Variants in BCL2L12 observed in about 807,000 individuals in gnomAD.
BCL2L12 encodes BCL2 like 12.
Under a neutral mutation model 25.7 loss-of-function variants are expected in BCL2L12, and 27 were observed. The ratio of observed to expected loss-of-function variants is 1.05; its 90% CI spans 0.78 to 1.45. The LOEUF (loss-of-function observed/expected upper bound fraction) is 1.45. Ranked by LOEUF, BCL2L12 falls within the 40% of genes most tolerant of loss-of-function variation. BCL2L12 has a pLI of 0.00. For synonymous variants in BCL2L12, 132 were observed against 145.6 expected (o/e 0.91, Z 0.67); for missense variants, 302 against 329.8 (o/e 0.92, Z 0.65).
At chr19:49,669,527 C>T (rs1433297879) in intron 5 of BCL2L12, among the ~76,000 whole-genome samples, 1 of 146,704 alleles carries the variant, frequency 6.8e-6, no homozygotes, top group African/African-American at 2.5e-5. Context: ...CAGAGTGAGA[C>T]TCTGTCTTTA....
chr19:49,668,092 C>CTTTTTT (rs764611836), intron 3 of BCL2L12, among the ~76,000 whole-genome samples: 1 of 125,390 alleles, frequency 8.0e-6, no homozygotes, highest in Non-Finnish European at 1.7e-5. Flanking sequence ...CTCTGACATT[C>CTTTTTT]TTTTTTTTTT....
Position 49,670,268 on chromosome 19 carries a change from C to CT in BCL2L12, c.485dup (p.Ala163ArgfsTer9). ...AAGCTGGTCCGCCTGTCCTCCGACTCTTTCGCCCGCCTGGTGGAGCTGTTC... is the reference window on the plus strand; with the variant it reads ...AAGCTGGTCCGCCTGTCCTCCGACTCTTTTCGCCCGCCTGGTGGAGCTGTTC... On this transcript the variant is annotated frameshift_variant, in exon 6 of 7. Coordinates refer to ENST00000246784, the MANE Select transcript of BCL2L12 (RefSeq NM_138639.2). LOFTEE classifies it high-confidence loss of function. 1 of 1,610,734 alleles carries CT rather than the reference C, an allele frequency of 6.2e-7. No homozygotes were observed. Among genetic ancestry groups the CT allele is most frequent in the Non-Finnish European group, 8.5e-7 (1 of 1,179,610 alleles).
intron 3 of BCL2L12, among the ~76,000 whole-genome samples, 172 bp downstream of exon 3, chr19:49,667,333 G>T (rs1191197758): frequency 6.6e-6 from 1 of 152,144 alleles, no homozygotes; most frequent in Non-Finnish European, 1.5e-5. Flanking sequence ...CTGTGGGTTG[G>T]CTTTCAGAGA....
chr19:49,673,655 A>T (rs777386604), intron 6 of BCL2L12, 43 bp from the exon 7 acceptor site: 16 of 1,521,376 alleles, frequency 1.1e-5, no homozygotes, highest in Middle Eastern at 1.7e-4. Context: ...TATGGGGGGA[A>T]CACCTGCCCT....
At chr19:49,668,398 C>T (rs756090812) in intron 3 of BCL2L12, among the ~76,000 whole-genome samples, 6 of 151,986 alleles carry the variant, frequency 3.9e-5, no homozygotes, top group Non-Finnish European at 8.8e-5. Context: ...TGCGCCTGGC[C>T]CCAGCTCTGA....
In BCL2L12 at chr19:49,666,700, G is replaced by A. The variant is rs765354373; in HGVS notation, c.8G>A (p.Gly3Asp). MA[G>D]SEELGLREDT... ...TCTCTCACAGGTGCCTCCATGGCAG[G>A]CTCTGAAGAGCTGGGGCTCCGGGAA... Residue 3 changes from glycine to aspartate, a missense_variant, in exon 2 of 7, where the codon GGC (glycine) becomes GAC (aspartate). Transcript: ENST00000246784. The A allele has an allele frequency of 6.4e-7, 1 of 1,552,890 alleles. No homozygotes were observed. Among genetic ancestry groups the A allele is most frequent in the East Asian group, 2.4e-5 (1 of 41,098 alleles).
chr19:49,666,538 A>G lies in BCL2L12; in HGVS notation c.-8-147A>G, dbSNP rs140281418. Reference sequence around the variant, plus strand: ...GATCGCTTTTTCGTCTGAGGACTCAAGAGTCTAGGCCCCCAGACCCACACT... The same window carrying G: ...GATCGCTTTTTCGTCTGAGGACTCAGGAGTCTAGGCCCCCAGACCCACACT... On this transcript the variant is annotated intron_variant, in intron 1 of 6. Transcript: ENST00000246784. 1.3e-4 allele frequency: 73 copies of G among 569,744 alleles called. No individual in the cohort carries two copies. The East Asian group carries it at 2.2e-3, about 17-fold the overall frequency. 35.3% of individuals were successfully genotyped at this position (569,744 alleles called of 1,614,324 possible).
intron 1 of BCL2L12, 115 bp downstream of exon 1, chr19:49,666,182 A>G: frequency 7.4e-7 from 1 of 1,345,284 alleles, no homozygotes. Context: ...GGTCCTCTAG[A>G]TTCCAGCAGG....
intron 1 of BCL2L12, among the ~76,000 whole-genome samples, 162 bp downstream of exon 1, chr19:49,666,229 C>T (rs2081750417): frequency 6.6e-6 from 1 of 152,208 alleles, no homozygotes; most frequent in Non-Finnish European, 1.5e-5. Context: ...CAGCAGGCTG[C>T]GCGGCGAAGA....
Position 49,670,230 on chromosome 19 carries a change from C to G in BCL2L12, c.444C>G (p.Pro148=), listed in dbSNP as rs1555765451. The G allele has an allele frequency of 6.2e-7, 1 of 1,606,882 alleles. No homozygotes were observed. The stretch of plus-strand genomic sequence containing the variant: ...CCACCCTACAGCTGGCCTCGGACCC[C>G]GCCCTGCGCAGCAAGCTGGTCCGCC... ...EVINQKLASD[P]ALRSKLVRLS... The change falls in exon 6 of 7, where the codon CCC becomes CCG. Residue 148 remains proline, a synonymous_variant. Coordinates refer to ENST00000246784, the MANE Select transcript of BCL2L12 (RefSeq NM_138639.2).
At chr19:49,671,430 G>C (rs1008666468) in intron 6 of BCL2L12, among the ~76,000 whole-genome samples, 1 of 152,324 alleles carries the variant, frequency 6.6e-6, no homozygotes, top group East Asian at 1.9e-4. Flanking sequence ...TGGGCAACAA[G>C]AGCGGGGCTC....
At chr19:49,673,573 T>A in intron 6 of BCL2L12, 125 bp from the exon 7 acceptor site, 1 of 785,118 alleles carries the variant, frequency 1.3e-6, no homozygotes, top group Admixed American at 2.0e-5. Context: ...TGTCTGGGTG[T>A]CTGTCACCCT....
chr19:49,665,511 C>CCTTG (rs375175839), upstream of BCL2L12: 507 of 290,220 alleles, frequency 1.7e-3, 1 homozygote, highest in African/African-American at 0.01. Flanking sequence ...GTAGCTCCTT[C>CCTTG]CTTGCTCCAC....
rs755811332 is a variant in BCL2L12 at position 49,670,375 on chromosome 19, GC to G, written c.592del (p.Leu198Ter). ...PPSPEPLARL[A>X]LAMELSRRVA... ...TTCCCCGGAGCCCCTGGCCCGCCTG[GC>G]CCTAGCCATGGAGCTGAGCCGGCGC... On this transcript the variant is annotated frameshift_variant, in exon 6 of 7. Coordinates refer to ENST00000246784, the MANE Select transcript of BCL2L12 (RefSeq NM_138639.2). LOFTEE classifies it high-confidence loss of function. 1.3e-6 allele frequency: 2 copies of G among 1,579,508 alleles called. No individual in the cohort carries two copies.
Position 49,665,934 on chromosome 19 carries a change from C to T in BCL2L12, c.-142C>T, listed in dbSNP as rs370042754. On this transcript the variant is annotated 5_prime_UTR_variant, in exon 1 of 7. Transcript: ENST00000246784. The stretch of plus-strand genomic sequence containing the variant: ...TTGAGCGTGCACCCAGCGTTCCGCC[C>T]TTTCTACGCTGGGCCGGTTATCGAC... 8.7e-6 allele frequency: 14 copies of T among 1,613,686 alleles called. No individual in the cohort carries two copies. The highest frequency in any genetic ancestry group is 2.7e-5 in the African/African-American group (2 of 74,950).
At position 49,670,489 on chromosome 19, in the gene BCL2L12, G is replaced by A; in HGVS notation, c.702+1G>A. On this transcript the variant is annotated splice_donor_variant, in intron 6 of 6. Coordinates refer to ENST00000246784, the MANE Select transcript of BCL2L12 (RefSeq NM_138639.2). LOFTEE classifies it high-confidence loss of function. Reference sequence around the variant, plus strand: ...CTGGATCCAGGCCCACGGGGGCTGGGTGAGCCGCTGAAGCCTCTCTCTCCG... The same window carrying A: ...CTGGATCCAGGCCCACGGGGGCTGGATGAGCCGCTGAAGCCTCTCTCTCCG... 2 of 1,537,174 alleles carry A rather than the reference G, an allele frequency of 1.3e-6. No individual in the cohort carries two copies. The highest frequency in any genetic ancestry group is 1.7e-6 in the Non-Finnish European group (2 of 1,144,218).
chr19:49,667,126 C>T lies in BCL2L12; in HGVS notation c.215C>T (p.Ser72Phe), dbSNP rs764515780. ...CCCTCTGAGTCCCCTCGGCCTTGCT[C>T]TCTGCCCATCCGCCCCTGCTATGGT... The part of the protein sequence containing the change: ...AAPSESPRPC[S>F]LPIRPCYGLE... The change falls in exon 3 of 7, where the codon TCT becomes TTT. Residue 72 changes from serine to phenylalanine, a missense_variant. Coordinates refer to ENST00000246784, the MANE Select transcript of BCL2L12 (RefSeq NM_138639.2). The T allele has an allele frequency of 1.2e-6, 2 of 1,613,954 alleles. No individual in the cohort carries two copies. The highest frequency in any genetic ancestry group is 2.7e-5 in the African/African-American group (2 of 74,924).
Position 49,670,359 on chromosome 19 carries a change from GC to G in BCL2L12, c.577del (p.Leu193TrpfsTer6). The G allele has an allele frequency of 1.3e-6, 2 of 1,589,552 alleles. No individual in the cohort carries two copies. The stretch of plus-strand genomic sequence containing the variant: ...CCGGGCCCCCGCCTCCTTCCCCGGA[GC>G]CCCTGGCCCGCCTGGCCCTAGCCAT... ...CPGPPPPSPE[P>X]LARLALAMEL... is the part of the protein sequence containing the mutation. On this transcript the variant is annotated frameshift_variant, in exon 6 of 7. Coordinates refer to ENST00000246784, the MANE Select transcript of BCL2L12 (RefSeq NM_138639.2). LOFTEE classifies it high-confidence loss of function.
rs1397862053 is a variant in BCL2L12 at position 49,670,266 on chromosome 19, C to T, written c.480C>T (p.Asp160=). ...LRSKLVRLSS[D]SFARLVELFC... is the part of the protein sequence containing the mutation. ...GCAAGCTGGTCCGCCTGTCCTCCGA[C>T]TCTTTCGCCCGCCTGGTGGAGCTGT... Residue 160 remains aspartate, a synonymous_variant, in exon 6 of 7, where the codon GAC becomes GAT. Coordinates refer to ENST00000246784, the MANE Select transcript of BCL2L12 (RefSeq NM_138639.2). The T allele has an allele frequency of 1.2e-6, 2 of 1,610,624 alleles. No homozygotes were observed. The highest frequency in any genetic ancestry group is 1.7e-6 in the Non-Finnish European group (2 of 1,179,586).
Sources: allele counts gnomAD v4.1 joint callset (sites outside exome capture counted in the v4.1 genomes callset), GRCh38; gene constraint gnomAD v4.1.1; transcripts MANE v1.5; gene names NCBI Gene and HGNC (gene_info 2026-07-23, HGNC 2026-07-21).